DDX43: variants seen among roughly 807,000 people sequenced by gnomAD.
DDX43 encodes the protein probable ATP-dependent RNA helicase DDX43.
Under a neutral mutation model 84.9 loss-of-function variants are expected in DDX43, and 50 were observed. The observed-to-expected ratio is 0.59, with a 90% CI of 0.47 to 0.75. The LOEUF is 0.75. Among genes scored for constraint, DDX43 ranks in the 30% least tolerant of loss-of-function variants. The pLI, the probability that DDX43 is intolerant of heterozygous loss-of-function variation, is 0.00. For synonymous variants in DDX43, 291 were observed against 266.3 expected (o/e 1.09, Z -0.90); for missense variants, 689 against 798.6 (o/e 0.86, Z 1.65).
Position 73,414,685 on chromosome 6 carries a change from G to C in DDX43, c.1744G>C (p.Gly582Arg), listed in dbSNP as rs544657835. 6.2e-7 allele frequency: 1 copy of C among 1,609,772 alleles called. No individual in the cohort carries two copies. Among genetic ancestry groups the C allele is most frequent in the South Asian group, 1.1e-5 (1 of 90,074 alleles). The change falls in exon 14 of 17, where the codon GGG (glycine) becomes CGG (arginine). Residue 582 changes from glycine to arginine, a missense_variant and splice_region_variant. Transcript: ENST00000370336. ...CCGAATAGGGCGCACGGGAAGAGCA[G>C]GGTAAGTAAGCTTAGTCCACCCATG... ...VHRIGRTGRA[G>R]RTGVSITTLT...
chr6:73,395,787 GTCTT>G (rs778265288), intron 1 of DDX43, among the ~76,000 whole-genome samples: 3 of 151,982 alleles, frequency 2.0e-5, no homozygotes, highest in Non-Finnish European at 4.4e-5. Flanking sequence ...AACTTAATCA[GTCTT>G]TCTATGAGTA....
intron 11 of DDX43, 90 bp from the exon 12 acceptor site, chr6:73,413,568 A>G (rs1582642107): frequency 2.3e-6 from 3 of 1,295,282 alleles, no homozygotes; most frequent in Non-Finnish European, 3.2e-6. Flanking sequence ...ACATTAACCA[A>G]TGAGAGAGAA....
chr6:73,406,537 C>CA, intron 7 of DDX43, 55 bp downstream of exon 7: 1 of 1,130,328 alleles, frequency 8.8e-7, no homozygotes, highest in Non-Finnish European at 1.3e-6. Flanking sequence ...ATTTAGATAT[C>CA]AAAAATGTAA....
chr6:73,401,972 C>CA lies in DDX43; in HGVS notation c.556dup (p.Thr186AsnfsTer10). 1.2e-6 allele frequency: 2 copies of CA among 1,613,728 alleles called. No homozygotes were observed. Among genetic ancestry groups the CA allele is most frequent in the East Asian group, 2.2e-5 (1 of 44,844 alleles). On this transcript the variant is annotated frameshift_variant, in exon 4 of 17. Coordinates refer to ENST00000370336, the MANE Select transcript of DDX43 (RefSeq NM_018665.3). LOFTEE classifies it high-confidence loss of function. ...AATTAGAGAGGAAGGTTTGAAATGG[C>CA]AAAAAACAAAGTGGGCAGGTCAGTG...
Position 73,400,247 on chromosome 6 carries a change from A to C in DDX43, c.320A>C (p.Gln107Pro). 3.7e-6 allele frequency: 6 copies of C among 1,604,700 alleles called. No homozygotes were observed. The highest frequency in any genetic ancestry group is 5.1e-6 in the Non-Finnish European group (6 of 1,177,112). Residue 107 changes from glutamine (Q) to proline (P), a missense_variant, in exon 3 of 17, where the codon CAA (glutamine) becomes CCA (proline). Physicochemically the swap from Gln to Pro is moderately conservative, Grantham distance 76. This residue lies in a region of DDX43 where 552 missense variants were observed against 692.7 expected (regional missense o/e 0.80). Coordinates refer to ENST00000370336, the MANE Select transcript of DDX43 (RefSeq NM_018665.3). The part of the protein sequence containing the change: ...TNTTIQIIQE[Q>P]PESLVKIFGS... ...CCTTGTACCTAGATAATACAAGAAC[A>C]ACCAGAATCATTAGTCAAAATTTTT...
At chr6:73,398,165 C>G (rs952803023) in intron 2 of DDX43, among the ~76,000 whole-genome samples, 4 of 152,074 alleles carry the variant, frequency 2.6e-5, no homozygotes, top group African/African-American at 9.7e-5. Flanking sequence ...AGGTAAGTTG[C>G]CAAAGTTCTT....
At chr6:73,413,553 TAAAA>T in intron 11 of DDX43, 101 bp from the exon 12 acceptor site, 1 of 1,177,280 alleles carries the variant, frequency 8.5e-7, no homozygotes, top group Admixed American at 2.7e-5. Context: ...AGCAGTTTAT[TAAAA>T]ACATTAACCA....
intron 4 of DDX43, 108 bp downstream of exon 4, chr6:73,402,098 T>C: frequency 9.9e-6 from 14 of 1,408,896 alleles, no homozygotes; most frequent in South Asian, 2.5e-5. Context: ...TATATGAAAA[T>C]AGTAAAATCT....
chr6:73,401,852 T>TTG lies in DDX43; in HGVS notation c.437-6_437-5insGT, dbSNP rs200281692. The TTG allele has an allele frequency of 7.6e-3, 12,144 of 1,606,030 alleles. 77 individuals are homozygous for TTG. The highest frequency in any genetic ancestry group is 8.2e-3 in the Non-Finnish European group (9,608 of 1,177,626). On this transcript the variant is annotated splice_region_variant and splice_polypyrimidine_tract_variant and intron_variant, in intron 3 of 16. Coordinates refer to ENST00000370336, the MANE Select transcript of DDX43 (RefSeq NM_018665.3). ...AAAAAACTAATCGATACAAATGTTT[T>TTG]TAACAGATACTGCATTCCAACCTTC...
At chr6:73,412,719 GAT>G (rs1243836842) in intron 11 of DDX43, among the ~76,000 whole-genome samples, 1 of 96,486 alleles carries the variant, frequency 1.0e-5, no homozygotes, top group African/African-American at 3.6e-5. Flanking sequence ...ATGTGCAAGT[GAT>G]ATATAGCGTG....
intron 11 of DDX43, among the ~76,000 whole-genome samples, chr6:73,412,648 T>TA (rs1769811496): frequency 2.7e-5 from 2 of 73,836 alleles, no homozygotes; most frequent in African/African-American, 1.0e-4. Context: ...AGTGTGTGTG[T>TA]GTGTGTGTGT....
In DDX43 at chr6:73,410,200, G is replaced by A. The variant is rs570021272; in HGVS notation, c.1280+852G>A. On this transcript the variant is annotated intron_variant, in intron 10 of 16. Coordinates refer to ENST00000370336, the MANE Select transcript of DDX43 (RefSeq NM_018665.3). The stretch of plus-strand genomic sequence containing the variant: ...TTTATTTATTTTGAGACAAAGTCTC[G>A]CTGACACTCAAGCTGGAGTGCAGCA... Among the ~76,000 whole-genome samples the A allele has an allele frequency of 7.2e-5, 11 of 152,140 alleles. No individual in the cohort carries two copies. The East Asian group carries it at 1.7e-3, about 24-fold the overall frequency.
Position 73,405,736 on chromosome 6 carries a change from C to A in DDX43, c.708C>A (p.Ile236=), listed in dbSNP as rs199587072. 3 of 1,613,996 alleles carry A rather than the reference C, an allele frequency of 1.9e-6. No individual in the cohort carries two copies. The highest frequency in any genetic ancestry group is 2.5e-6 in the Non-Finnish European group (3 of 1,180,004). ...TGAAGGATGGGGAGAAACGACCTAT[C>A]CCCAATCCTACCTGCACATTTGATG... ...DDLKDGEKRP[I]PNPTCTFDDA... Residue 236 remains isoleucine, a synonymous_variant, in exon 6 of 17, where the codon ATC becomes ATA. Coordinates refer to ENST00000370336, the MANE Select transcript of DDX43 (RefSeq NM_018665.3).
intron 4 of DDX43, among the ~76,000 whole-genome samples, chr6:73,404,288 T>C (rs941193460): frequency 1.6e-4 from 24 of 152,220 alleles, no homozygotes; most frequent in African/African-American, 5.1e-4. Context: ...GAGATGGGTT[T>C]CACCATGTTG....
chr6:73,402,197 A>G (rs925188334), intron 4 of DDX43, among the ~76,000 whole-genome samples: 5 of 152,226 alleles, frequency 3.3e-5, no homozygotes, highest in Non-Finnish European at 7.3e-5. Flanking sequence ...ACCTATTTAT[A>G]GTCTGTCAGC....
chr6:73,409,481 T>C (rs1769745494), intron 10 of DDX43, 133 bp downstream of exon 10: 2 of 730,926 alleles, frequency 2.7e-6, no homozygotes, highest in Admixed American at 4.5e-5. Context: ...TCTCATAACA[T>C]TGGAAGTAGA....
intron 14 of DDX43, among the ~76,000 whole-genome samples, chr6:73,415,271 C>G (rs1769880106): frequency 6.6e-6 from 1 of 151,980 alleles, no homozygotes; most frequent in South Asian, 2.1e-4. Context: ...GCACTCCAGC[C>G]TGGGCAACAG....
chr6:73,412,375 A>G, intron 11 of DDX43, 83 bp downstream of exon 11: 1 of 1,072,756 alleles, frequency 9.3e-7, no homozygotes. Context: ...TAGTCTGCCC[A>G]CTCCCCAATT....
chr6:73,410,868 A>G (rs1562285467), intron 10 of DDX43, among the ~76,000 whole-genome samples: 1 of 151,458 alleles, frequency 6.6e-6, no homozygotes, highest in Non-Finnish European at 1.5e-5. Flanking sequence ...TGCTGGGATT[A>G]CAGGCATGAG....
Sources: allele counts gnomAD v4.1 joint callset (sites outside exome capture counted in the v4.1 genomes callset), GRCh38; gene constraint gnomAD v4.1.1; regional missense constraint gnomAD v4.1.1; transcripts MANE v1.5; gene names NCBI Gene and HGNC (gene_info 2026-07-23, HGNC 2026-07-21).